Variants in IKBIP observed in about 807,000 individuals in gnomAD.
The protein encoded by IKBIP is inhibitor of nuclear factor kappa-B kinase-interacting protein.
Under a neutral mutation model 31.0 loss-of-function variants are expected in IKBIP, and 28 were observed. The ratio of observed to expected loss-of-function variants is 0.90; its 90% confidence interval spans 0.67 to 1.24. IKBIP has a LOEUF of 1.24. Among genes scored for constraint, IKBIP ranks in the 50% most tolerant of loss-of-function variants. The pLI is 0.00. For missense variants in IKBIP, 453 were observed against 441.9 expected, an observed-to-expected ratio of 1.03 and a Z score of -0.23; for synonymous variants, 164 against 160.3, an observed-to-expected ratio of 1.02 and a Z score of -0.17.
chr12:98,644,113 A>C (rs994185260), intron 1 of IKBIP, among the ~76,000 whole-genome samples: 1 of 152,078 alleles, frequency 6.6e-6, no homozygotes, highest in Non-Finnish European at 1.5e-5. Context: ...AAGTATTTCC[A>C]TTAGGTATTT....
intron 2 of IKBIP, among the ~76,000 whole-genome samples, chr12:98,614,587 C>A (rs908969580): frequency 1.3e-5 from 2 of 151,808 alleles, no homozygotes; most frequent in Non-Finnish European, 2.9e-5. Flanking sequence ...CCCACCTCAG[C>A]TAACTTTTTT....
At position 98,613,878 on chromosome 12, in the gene IKBIP, C is replaced by G. The variant is rs147943089; in HGVS notation, c.760G>C (p.Asp254His). The G allele has an allele frequency of 1.3e-5, 21 of 1,613,114 alleles. No homozygotes were observed. In the African/African-American group the frequency reaches 2.4e-4, roughly 18 times the overall value. The change falls in exon 3 of 3, where the codon GAC becomes CAC. Residue 254 changes from aspartate (D) to histidine (H), a missense_variant. Transcript: ENST00000342502. ...CTTAGAAATCTATCTGTATGTTTGT[C>G]GAAGTCACTCTTTAGTTCGGTTAGC...
chr12:98,619,365 GAGCTT>G (rs1409479670), downstream of IKBIP, among the ~76,000 whole-genome samples: 4 of 150,760 alleles, frequency 2.7e-5, no homozygotes. Context: ...GTTGATGAAT[GAGCTT>G]AGCTTATTCT....
chr12:98,614,350 A>G (rs776168229), intron 2 of IKBIP: 1 of 1,414,676 alleles, frequency 7.1e-7, no homozygotes, highest in East Asian at 2.3e-5. Context: ...ACTATAAGAA[A>G]ATATAATATC....
In IKBIP at chr12:98,614,050, C is replaced by A. The variant is rs772038999; in HGVS notation, c.588G>T (p.Val196=). The change falls in exon 3 of 3, where the codon GTG becomes GTT. Residue 196 remains valine, a synonymous_variant. Coordinates refer to the IKBIP transcript ENST00000342502. ...TCTCTATTTTATTTTCTAGTTCTTG[C>A]ACAGAATCTGTCAATGATATTACAT... 4.3e-6 allele frequency: 7 copies of A among 1,611,406 alleles called. No homozygotes were observed. In the Admixed American group the frequency reaches 1.2e-4, roughly 27 times the overall value.
chr12:98,644,276 A>T (rs966737307), intron 1 of IKBIP, among the ~76,000 whole-genome samples: 1 of 152,160 alleles, frequency 6.6e-6, no homozygotes, highest in Non-Finnish European at 1.5e-5. Context: ...CTCGTTCCCA[A>T]ACCTTAGCCT....
intron 2 of IKBIP, among the ~76,000 whole-genome samples, chr12:98,616,255 AT>A (rs1305167043): frequency 6.6e-6 from 1 of 151,660 alleles, no homozygotes; most frequent in Non-Finnish European, 1.5e-5. Flanking sequence ...GATGTTGAGC[AT>A]TTTTTTCCAT....
chr12:98,641,371 C>T (rs2097630297), intron 1 of IKBIP, among the ~76,000 whole-genome samples: 1 of 152,158 alleles, frequency 6.6e-6, no homozygotes, highest in Non-Finnish European at 1.5e-5. Context: ...CTTTTAGATG[C>T]TGAATTACGT....
At chr12:98,643,816 TC>T (rs1242115242) in intron 1 of IKBIP, among the ~76,000 whole-genome samples, 176 of 119,832 alleles carry the variant, frequency 1.5e-3, no homozygotes, top group African/African-American at 4.9e-3. Flanking sequence ...GATATGGTTT[TC>T]TTTTTTTTTT....
intron 1 of IKBIP, among the ~76,000 whole-genome samples, chr12:98,641,357 C>G (rs996545041): frequency 4.6e-5 from 7 of 152,090 alleles, no homozygotes; most frequent in African/African-American, 1.7e-4. Flanking sequence ...ATTTGATAGA[C>G]CGACTTTTAG....
chr12:98,639,425 G>A (rs906464164), intron 1 of IKBIP, among the ~76,000 whole-genome samples: 11 of 152,152 alleles, frequency 7.2e-5, no homozygotes, highest in Admixed American at 5.2e-4. Flanking sequence ...AATAACTCTC[G>A]TTTTTGGGCC....
downstream of IKBIP, among the ~76,000 whole-genome samples, chr12:98,619,654 C>T (rs1483930706): frequency 2.0e-5 from 3 of 151,862 alleles, no homozygotes; most frequent in Admixed American, 6.6e-5. Context: ...GGCTCACGCC[C>T]GTAATCCCAG....
chr12:98,613,912 AAC>A lies in IKBIP; in HGVS notation c.724_725del (p.Val242Ter). 6.2e-7 allele frequency: 1 copy of A among 1,613,748 alleles called. No homozygotes were observed. Among genetic ancestry groups the A allele is most frequent in the South Asian group, 1.1e-5 (1 of 91,030 alleles). On this transcript the variant is annotated frameshift_variant, in exon 3 of 3. Transcript: ENST00000342502. LOFTEE classifies it high-confidence loss of function. Reference sequence around the variant, plus strand: ...TCTTTAGTTCGGTTAGCGTCTTCTTAACAGAGTTAATTCTTTGTGAATTTTCA... The same window carrying A: ...TCTTTAGTTCGGTTAGCGTCTTCTTAAGAGTTAATTCTTTGTGAATTTTCA...
chr12:98,632,085 A>G lies in IKBIP; in HGVS notation c.297+2211T>C, dbSNP rs1373647699. On this transcript the variant is annotated intron_variant, in intron 2 of 2. Transcript: ENST00000299157. The stretch of plus-strand genomic sequence containing the variant: ...TGGCCAGGCTGATCTCAAACTCCTG[A>G]CCTCGTGATCTGCCTGCTTCGGCCT... Among the ~76,000 whole-genome samples, 4 of 151,772 alleles carry G rather than the reference A, an allele frequency of 2.6e-5. No individual in the cohort carries two copies. In the East Asian group the frequency reaches 7.9e-4, roughly 30 times the overall value.
At chr12:98,643,241 G>A (rs576331303) in intron 1 of IKBIP, among the ~76,000 whole-genome samples, 18 of 152,264 alleles carry the variant, frequency 1.2e-4, no homozygotes, top group African/African-American at 3.6e-4. Context: ...GTGAGCCACC[G>A]CGCCCAGCCG....
chr12:98,623,459 G>A (rs1231745999), downstream of IKBIP, among the ~76,000 whole-genome samples: 1 of 150,328 alleles, frequency 6.7e-6, no homozygotes, highest in African/African-American at 2.5e-5. Flanking sequence ...TATCCAGGCT[G>A]GTCTTGAACT....
At chr12:98,614,895 A>G (rs1369432812) in intron 2 of IKBIP, among the ~76,000 whole-genome samples, 1 of 152,220 alleles carries the variant, frequency 6.6e-6, no homozygotes, top group African/African-American at 2.4e-5. Context: ...CATTTTTTAC[A>G]TTATAATATT....
At chr12:98,636,478 C>A (rs1219780132) in intron 1 of IKBIP, among the ~76,000 whole-genome samples, 1 of 152,192 alleles carries the variant, frequency 6.6e-6, no homozygotes, top group Non-Finnish European at 1.5e-5. Context: ...TGCATCCTTG[C>A]AAAAGTGGTA....
At chr12:98,632,483 G>GGAAAAAAAA (rs1246465286) in intron 2 of IKBIP, among the ~76,000 whole-genome samples, 1 of 11,564 alleles carries the variant, frequency 8.6e-5, no homozygotes, top group African/African-American at 2.9e-4. Flanking sequence ...GACTCTATCT[G>GGAAAAAAAA]AAAAAAAAAA....
Sources: allele counts gnomAD v4.1 joint callset (sites outside exome capture counted in the v4.1 genomes callset), GRCh38; gene constraint gnomAD v4.1.1; transcripts MANE v1.5; gene names NCBI Gene and HGNC (gene_info 2026-07-23, HGNC 2026-07-21).